Variants in CRISPLD2 observed in about 807,000 individuals in gnomAD.
CRISPLD2 encodes cysteine-rich secretory protein LCCL domain-containing 2.
A neutral mutation model predicts 71.1 loss-of-function variants in CRISPLD2; 47 were observed. That is an observed-to-expected ratio of 0.66 (90% CI 0.52 to 0.84). The LOEUF is 0.84. CRISPLD2 is among the 40% of genes least tolerant of loss of function. The pLI is 0.00. For synonymous variants in CRISPLD2, 317 were observed against 250.1 expected (o/e 1.27, Z -2.52); for missense variants, 830 against 651.1 (o/e 1.27, Z -2.99).
chr16:84,866,253 G>A (rs1227245623), intron 6 of CRISPLD2, among the ~76,000 whole-genome samples: 11 of 116,068 alleles, frequency 9.5e-5, no homozygotes, highest in Non-Finnish European at 3.9e-5. Context: ...TTTTTTTTGA[G>A]ATGGAGTTTC....
At chr16:84,834,831 G>A (rs1202093026) in intron 1 of CRISPLD2, among the ~76,000 whole-genome samples, 1 of 151,896 alleles carries the variant, frequency 6.6e-6, no homozygotes, top group Non-Finnish European at 1.5e-5. Context: ...TGCGTGTCTC[G>A]GTCCTAAACT....
intron 12 of CRISPLD2, among the ~76,000 whole-genome samples, chr16:84,879,693 C>A (rs578246760): frequency 5.9e-5 from 9 of 151,884 alleles, no homozygotes; most frequent in African/African-American, 1.7e-4. Context: ...ACACACACAC[C>A]CTTTCTCTCT....
intron 1 of CRISPLD2, chr16:84,836,319 T>C (rs1188124998): frequency 6.6e-6 from 1 of 152,208 alleles, no homozygotes; most frequent in Non-Finnish European, 1.5e-5. Context: ...ATCTCTTCTT[T>C]GAGCCTGGCC....
At chr16:84,861,043 A>G (rs901208635) in intron 6 of CRISPLD2, among the ~76,000 whole-genome samples, 1 of 152,194 alleles carries the variant, frequency 6.6e-6, no homozygotes, top group Admixed American at 6.5e-5. Flanking sequence ...TATTCAGTCT[A>G]GAGTCACTGA....
Position 84,876,521 on chromosome 16 carries a change from A to C in CRISPLD2, c.1157-917A>C, listed in dbSNP as rs190743579. 6.3e-3 allele frequency among the ~76,000 whole-genome samples: 942 copies of C among 150,120 alleles called. 4 individuals are homozygous for C. Among genetic ancestry groups the C allele is most frequent in the Middle Eastern group, 0.01 (3 of 292 alleles). Reference sequence around the variant, plus strand: ...CGTCTCAAAAAAAAAAGGCCGGTGCAGTGGTTTCCACCTGTAATCTTAGCA... The same window carrying C: ...CGTCTCAAAAAAAAAAGGCCGGTGCCGTGGTTTCCACCTGTAATCTTAGCA... On this transcript the variant is annotated intron_variant, in intron 11 of 14. Coordinates refer to ENST00000262424, the MANE Select transcript of CRISPLD2 (RefSeq NM_031476.4).
chr16:84,861,348 T>C (rs1448953964), intron 6 of CRISPLD2, among the ~76,000 whole-genome samples: 4 of 152,096 alleles, frequency 2.6e-5, no homozygotes, highest in Admixed American at 1.3e-4. Context: ...GGGGAGTTTA[T>C]TAAGGAGTGT....
At chr16:84,895,765 G>A (rs937154299) in intron 14 of CRISPLD2, among the ~76,000 whole-genome samples, 1 of 152,158 alleles carries the variant, frequency 6.6e-6, no homozygotes, top group African/African-American at 2.4e-5. Flanking sequence ...TAGCAGGGGC[G>A]ATGGCATTTG....
In CRISPLD2 at chr16:84,906,923, C is replaced by T; in HGVS notation, c.*281C>T. 1 of 499,524 alleles carries T rather than the reference C, an allele frequency of 2.0e-6. No homozygotes were observed. Among genetic ancestry groups the T allele is most frequent in the East Asian group, 3.7e-5 (1 of 26,898 alleles). 30.9% of individuals were successfully genotyped at this position (499,524 alleles called of 1,614,324 possible). Reference sequence around the variant, plus strand: ...TCTCCTTTAGAGATCTGAGCTGTCTCTTAAAGGGGACAGTTGCCCAAAATG... The same window carrying T: ...TCTCCTTTAGAGATCTGAGCTGTCTTTTAAAGGGGACAGTTGCCCAAAATG... On this transcript the variant is annotated 3_prime_UTR_variant, in exon 15 of 15. Transcript: ENST00000262424.
intron 7 of CRISPLD2, among the ~76,000 whole-genome samples, chr16:84,867,649 C>T (rs570803210): frequency 2.0e-5 from 3 of 152,288 alleles, no homozygotes; most frequent in African/African-American, 7.2e-5. Flanking sequence ...TCACTGCAAC[C>T]TTTGCCTTCC....
chr16:84,848,869 C>G (rs1200625413), intron 3 of CRISPLD2, among the ~76,000 whole-genome samples: 1 of 151,588 alleles, frequency 6.6e-6, no homozygotes, highest in African/African-American at 2.4e-5. Flanking sequence ...TAAGAAAGGA[C>G]TCATTACTTG....
chr16:84,842,101 C>G (rs990548668), intron 2 of CRISPLD2: 1 of 152,700 alleles, frequency 6.5e-6, no homozygotes, highest in Non-Finnish European at 1.5e-5. Flanking sequence ...GGCTTTCTGT[C>G]TTTCTCCAAG....
chr16:84,845,903 A>G lies in CRISPLD2; in HGVS notation c.358A>G (p.Arg120Gly). ...IGQNLGAHWGRYRSPGFHVQS... is the reference protein window; with the variant it reads ...IGQNLGAHWGGYRSPGFHVQS... ...GCAGAACCTGGGCGCTCACTGGGGCAGGTAAGAGCCACAAGTTCCTCTCCG... is the reference window on the plus strand; with the variant it reads ...GCAGAACCTGGGCGCTCACTGGGGCGGGTAAGAGCCACAAGTTCCTCTCCG... Residue 120 changes from arginine (R) to glycine (G), a missense_variant and splice_region_variant, in exon 3 of 15, where the codon AGG becomes GGG. Physicochemically the swap from Arg to Gly is moderately radical, Grantham distance 125 (BLOSUM62 -2). Coordinates refer to ENST00000262424, the MANE Select transcript of CRISPLD2 (RefSeq NM_031476.4). The G allele has an allele frequency of 5.6e-6, 9 of 1,603,642 alleles. No individual in the cohort carries two copies. Among genetic ancestry groups the G allele is most frequent in the Admixed American group, 1.7e-5 (1 of 59,748 alleles).
At chr16:84,824,633 G>C (rs151009376) in intron 1 of CRISPLD2, among the ~76,000 whole-genome samples, 8 of 152,168 alleles carry the variant, frequency 5.3e-5, no homozygotes, top group South Asian at 2.1e-4. Flanking sequence ...CAAAGCCTTT[G>C]GTTGGTGTCA....
intron 13 of CRISPLD2, among the ~76,000 whole-genome samples, chr16:84,884,925 C>G (rs989764382): frequency 6.6e-6 from 1 of 152,202 alleles, no homozygotes; most frequent in South Asian, 2.1e-4. Flanking sequence ...TTTGTGACAC[C>G]GAAGGGATGG....
chr16:84,906,523 C>A (rs1345735542), intron 14 of CRISPLD2, 65 bp from the exon 15 acceptor site: 1 of 1,573,326 alleles, frequency 6.4e-7, no homozygotes, highest in Non-Finnish European at 8.7e-7. Context: ...CCCTGCCCAC[C>A]CAGAGTCCCT....
At chr16:84,904,607 TA>T (rs901197383) in intron 14 of CRISPLD2, among the ~76,000 whole-genome samples, 3 of 140,034 alleles carry the variant, frequency 2.1e-5, no homozygotes, top group East Asian at 2.1e-4. Context: ...AAAAAAAATT[TA>T]AAAAAAAAAT....
chr16:84,828,448 G>A (rs766372167), intron 1 of CRISPLD2, among the ~76,000 whole-genome samples: 6 of 152,238 alleles, frequency 3.9e-5, no homozygotes, highest in Non-Finnish European at 5.9e-5. Flanking sequence ...ATGCAGTGGC[G>A]GCAGAATTCG....
At chr16:84,826,558 C>T (rs894123357) in intron 1 of CRISPLD2, among the ~76,000 whole-genome samples, 1 of 152,248 alleles carries the variant, frequency 6.6e-6, no homozygotes, top group Non-Finnish European at 1.5e-5. Context: ...CCATCTCTCC[C>T]TCCTGCCCCA....
At chr16:84,877,904 C>T (rs1188486217) in intron 12 of CRISPLD2, among the ~76,000 whole-genome samples, 1 of 151,080 alleles carries the variant, frequency 6.6e-6, no homozygotes, top group Non-Finnish European at 1.5e-5. Context: ...TGATACGATC[C>T]ACCCATTAGA....
Sources: gnomAD v4.1 joint callset for allele counts (sites outside exome capture counted in the v4.1 genomes callset) on GRCh38, gnomAD v4.1.1 for gene constraint, MANE v1.5 for transcripts, NCBI Gene and HGNC (gene_info 2026-07-23, HGNC 2026-07-21) for gene names.